The following TOMM20L variants were observed in gnomAD, a reference collection of about 807,000 sequenced individuals.
TOMM20L encodes the protein TOMM20-like protein 1.
A neutral mutation model predicts 20.4 loss-of-function variants in TOMM20L; 19 were observed. The ratio of observed to expected loss-of-function variants is 0.93; its 90% confidence interval spans 0.65 to 1.36. The LOEUF (loss-of-function observed/expected upper bound fraction) is 1.36. Among genes scored for constraint, TOMM20L ranks in the 40% most tolerant of loss-of-function variants. TOMM20L has a pLI of 0.00. For synonymous variants in TOMM20L, 75 were observed against 79.6 expected, an observed-to-expected ratio of 0.94 and a Z score of 0.30; for missense variants, 218 against 203.7, an observed-to-expected ratio of 1.07 and a Z score of -0.43.
chr14:58,414,435 C>G, the TOMM20L span, among the ~76,000 whole-genome samples: 4 of 151,756 alleles, frequency 2.6e-5, no homozygotes, highest in African/African-American at 9.7e-5. Flanking sequence ...TTTTTCTTAT[C>G]CTATAAAATC....
At chr14:58,403,468 C>T (rs2036015638) in intron 3 of TOMM20L, among the ~76,000 whole-genome samples, 1 of 152,186 alleles carries the variant, frequency 6.6e-6, no homozygotes, top group South Asian at 2.1e-4. Flanking sequence ...CTATGAATGT[C>T]CATTCTTTTA....
chr14:58,409,909 C>A (rs916902193), downstream of TOMM20L, among the ~76,000 whole-genome samples: 30 of 152,092 alleles, frequency 2.0e-4, no homozygotes, highest in African/African-American at 7.0e-4. Flanking sequence ...CAGGTTCTCT[C>A]TCTGTTGCCC....
downstream of TOMM20L, among the ~76,000 whole-genome samples, chr14:58,413,635 T>C (rs2036291208): frequency 6.6e-6 from 1 of 152,222 alleles, no homozygotes; most frequent in African/African-American, 2.4e-5. Context: ...TTAATCTAGA[T>C]ATAAGAATGT....
intron 3 of TOMM20L, among the ~76,000 whole-genome samples, chr14:58,405,402 C>T (rs2036045569): frequency 6.6e-6 from 1 of 152,136 alleles, no homozygotes; most frequent in Non-Finnish European, 1.5e-5. Flanking sequence ...ACATTTTATT[C>T]CTATTCACTG....
the TOMM20L span, among the ~76,000 whole-genome samples, chr14:58,416,569 G>T: frequency 6.6e-6 from 1 of 152,200 alleles, no homozygotes. Flanking sequence ...AATGATAAAA[G>T]TAGTAGTCCT....
At chr14:58,412,805 G>A (rs1397550724), downstream of TOMM20L, among the ~76,000 whole-genome samples, 3 of 152,090 alleles carry the variant, frequency 2.0e-5, no homozygotes, top group Non-Finnish European at 4.4e-5. Flanking sequence ...GGAAGCTGAG[G>A]CAGGAGAATC....
At chr14:58,409,446 T>C (rs2036138259), downstream of TOMM20L, among the ~76,000 whole-genome samples, 1 of 152,216 alleles carries the variant, frequency 6.6e-6, no homozygotes, top group Non-Finnish European at 1.5e-5. Flanking sequence ...TCTGCAAGTG[T>C]ATTAAGTGAA....
At chr14:58,413,530 C>A (rs1257732943), downstream of TOMM20L, among the ~76,000 whole-genome samples, 1 of 152,088 alleles carries the variant, frequency 6.6e-6, no homozygotes, top group Non-Finnish European at 1.5e-5. Context: ...TATAATCTAA[C>A]GTGGCGGCAA....
chr14:58,396,121 C>A, intron 1 of TOMM20L, 28 bp downstream of exon 1: 1 of 1,288,656 alleles, frequency 7.8e-7, no homozygotes, highest in Non-Finnish European at 9.8e-7. Context: ...GGAGGCGCGG[C>A]CGGGCCGGGC....
downstream of TOMM20L, chr14:58,410,941 A>G: frequency 6.2e-7 from 1 of 1,601,844 alleles, no homozygotes; most frequent in Non-Finnish European, 8.5e-7. Context: ...TCCTTAAACT[A>G]CAAACAAACC....
At chr14:58,401,904 G>A (rs1219801729) in intron 2 of TOMM20L, among the ~76,000 whole-genome samples, 1 of 152,166 alleles carries the variant, frequency 6.6e-6, no homozygotes, top group Non-Finnish European at 1.5e-5. Flanking sequence ...AGAAGGCTTA[G>A]CATAGTTTTT....
chr14:58,410,110 C>T (rs1438916718), downstream of TOMM20L, among the ~76,000 whole-genome samples: 1 of 151,922 alleles, frequency 6.6e-6, no homozygotes, highest in African/African-American at 2.4e-5. Context: ...CTTGCTCTGT[C>T]GCCCAGGCTA....
At chr14:58,402,612 A>G in intron 2 of TOMM20L, 68 bp from the exon 3 acceptor site, 1 of 1,257,256 alleles carries the variant, frequency 8.0e-7, no homozygotes, top group Non-Finnish European at 1.1e-6. Flanking sequence ...TAAATAAAAA[A>G]TAATTTGATC....
chr14:58,401,090 C>A (rs1298293562), intron 2 of TOMM20L, among the ~76,000 whole-genome samples: 1 of 152,190 alleles, frequency 6.6e-6, no homozygotes, highest in Non-Finnish European at 1.5e-5. Context: ...TGGACTTCGT[C>A]TTGTACCTAC....
At chr14:58,397,530 C>T (rs186049004) in intron 2 of TOMM20L, among the ~76,000 whole-genome samples, 1 of 152,274 alleles carries the variant, frequency 6.6e-6, no homozygotes, top group East Asian at 1.9e-4. Flanking sequence ...GCGGAAGTGG[C>T]ATTGAACTGA....
At chr14:58,416,693 T>C in the TOMM20L span, among the ~76,000 whole-genome samples, 8 of 152,372 alleles carry the variant, frequency 5.3e-5, no homozygotes, top group South Asian at 2.1e-4. Context: ...TGGTTCTAAA[T>C]GTATGTAGAC....
chr14:58,407,385 CG>C lies in TOMM20L; in HGVS notation c.325del (p.Glu109AsnfsTer3), dbSNP rs768483967. The C allele has an allele frequency of 6.2e-7, 1 of 1,613,796 alleles. No homozygotes were observed. Among genetic ancestry groups the C allele is most frequent in the Non-Finnish European group, 8.5e-7 (1 of 1,179,896 alleles). ...TGCCCTTTTAGTGTGCGAGCAACCA[CG>C]GGAACTTCTGAAAGTTTTCAAACAC... The part of the protein sequence containing the change: ...GNALLVCEQP[R>X]ELLKVFKHTL... On this transcript the variant is annotated frameshift_variant, in exon 4 of 5. Coordinates refer to ENST00000360945, the MANE Select transcript of TOMM20L (RefSeq NM_207377.3). LOFTEE classifies it high-confidence loss of function.
intron 2 of TOMM20L, among the ~76,000 whole-genome samples, chr14:58,397,657 A>T (rs2035945169): frequency 6.6e-6 from 1 of 152,198 alleles, no homozygotes. Context: ...TCAGTAAACC[A>T]GTTTGGCAAA....
downstream of TOMM20L, among the ~76,000 whole-genome samples, chr14:58,411,405 G>A (rs1440207289): frequency 1.3e-5 from 2 of 151,518 alleles, no homozygotes; most frequent in African/African-American, 2.4e-5. Flanking sequence ...CCAAGATCGT[G>A]CCACTGCACT....
Sources: allele counts gnomAD v4.1 joint callset (sites outside exome capture counted in the v4.1 genomes callset), GRCh38; gene constraint gnomAD v4.1.1; transcripts MANE v1.5; gene names NCBI Gene and HGNC (gene_info 2026-07-23, HGNC 2026-07-21).